The following FOXO3 variants were observed in gnomAD, a reference collection of about 807,000 sequenced individuals.
FOXO3 encodes the protein forkhead box O3.
In FOXO3, 4 loss-of-function variants were observed where a neutral mutation model predicts 41.9. The ratio of observed to expected loss-of-function variants is 0.10; its 90% CI spans 0.05 to 0.22. FOXO3 has a LOEUF of 0.22. Ranked by LOEUF, FOXO3 falls within the 10% of genes least tolerant of loss-of-function variation. The probability of loss-of-function intolerance (pLI) is 1.00; values close to 1 mark genes in which losing one functional copy is unlikely to be tolerated. For synonymous variants in FOXO3, 318 were observed against 389.3 expected (o/e 0.82, Z 2.16); for missense variants, 534 against 906.8 (o/e 0.59, Z 5.28).
chr6:108,681,611 C>T lies in FOXO3; in HGVS notation c.*1819C>T, dbSNP rs1269984537. 1 of 151,134 alleles carries T rather than the reference C, an allele frequency of 6.6e-6. No individual in the cohort carries two copies. The highest frequency in any genetic ancestry group is 1.9e-4 in the East Asian group (1 of 5,156). The allele number at this position is 151,134 out of a possible 1,614,324, so 9.4% of individuals were successfully genotyped here. A position where few individuals can be genotyped will look rare whatever the true frequency, so the allele number is the denominator to read the frequency against. On this transcript the variant is annotated 3_prime_UTR_variant, in exon 3 of 3. Coordinates refer to ENST00000406360, the MANE Select transcript of FOXO3 (RefSeq NM_001455.4). ...CACGTCTCCTGCCTCGCTTGGGTTGCCATGTTTGAGCGATGGCCCTGTTGA... is the reference window on the plus strand; with the variant it reads ...CACGTCTCCTGCCTCGCTTGGGTTGTCATGTTTGAGCGATGGCCCTGTTGA...
intron 1 of FOXO3, among the ~76,000 whole-genome samples, chr6:108,586,094 A>T (rs540759890): frequency 6.6e-6 from 1 of 152,322 alleles, no homozygotes; most frequent in African/African-American, 2.4e-5. Context: ...TTCCCCAAAG[A>T]TGTTAATTCC....
intron 1 of FOXO3, among the ~76,000 whole-genome samples, chr6:108,627,868 C>G (rs1777856878): frequency 6.6e-6 from 1 of 152,096 alleles, no homozygotes; most frequent in Admixed American, 6.6e-5. Context: ...GTGACTTCTT[C>G]CATTGGTTTG....
intron 1 of FOXO3, chr6:108,617,866 A>C: frequency 3.1e-6 from 1 of 320,686 alleles, no homozygotes; most frequent in Admixed American, 4.3e-5. Context: ...ATGGAGAAGG[A>C]GGAAATGAAC....
At chr6:108,608,792 AAT>A (rs1777277621) in intron 1 of FOXO3, among the ~76,000 whole-genome samples, 1 of 152,192 alleles carries the variant, frequency 6.6e-6, no homozygotes, top group Non-Finnish European at 1.5e-5. Context: ...AGTTTGAAGA[AAT>A]ATCCTATTCT....
intron 1 of FOXO3, among the ~76,000 whole-genome samples, chr6:108,588,670 T>C (rs1460301719): frequency 2.0e-5 from 3 of 152,208 alleles, no homozygotes; most frequent in Non-Finnish European, 4.4e-5. Context: ...GTTTTTGTGG[T>C]GAGTCAAGCT....
intron 1 of FOXO3, among the ~76,000 whole-genome samples, chr6:108,580,054 T>G (rs1272013090): frequency 6.6e-6 from 1 of 152,144 alleles, no homozygotes; most frequent in East Asian, 1.9e-4. Flanking sequence ...TGAATGGGTG[T>G]GATGTATACA....
Position 108,562,496 on chromosome 6 carries a change from A to T in FOXO3, c.621+667A>T, listed in dbSNP as rs557148203. On this transcript the variant is annotated intron_variant, in intron 1 of 2. Transcript: ENST00000406360. ...ACCTGCTTCTGACTAGCTGCTTCTG[A>T]AATGTTCTGGGGCCTCGAACCGGCC... Among the ~76,000 whole-genome samples the T allele has an allele frequency of 8.3e-3, 1,265 of 152,112 alleles. 11 individuals carry two copies. Among genetic ancestry groups the T allele is most frequent in the Non-Finnish European group, 0.014 (933 of 67,982 alleles).
rs1408813866 is a variant in FOXO3, at chr6:108,683,028, C to G, written c.*3236C>G. The G allele has an allele frequency of 6.6e-6, 1 of 152,658 alleles. No individual in the cohort carries two copies. Among genetic ancestry groups the G allele is most frequent in the Admixed American group, 6.5e-5 (1 of 15,284 alleles). The allele number at this position is 152,658 out of a possible 1,614,324, so 9.5% of individuals were successfully genotyped here. A position where few individuals can be genotyped will look rare whatever the true frequency, so the allele number is the denominator to read the frequency against. On this transcript the variant is annotated 3_prime_UTR_variant, in exon 3 of 3. Coordinates refer to ENST00000406360, the MANE Select transcript of FOXO3 (RefSeq NM_001455.4). ...CTGTCCTGGCATGAGAACTGGCTGC[C>G]AGGCTCAGTGTACCCCATTAACTGT... is the stretch of plus-strand genomic sequence containing the variant.
At chr6:108,674,485 T>G (rs1256524630) in intron 2 of FOXO3, among the ~76,000 whole-genome samples, 1 of 152,214 alleles carries the variant, frequency 6.6e-6, no homozygotes, top group African/African-American at 2.4e-5. Context: ...TTGAAGACTT[T>G]GCTTAGCTTT....
At chr6:108,590,746 A>T (rs1453259553) in intron 1 of FOXO3, among the ~76,000 whole-genome samples, 3 of 152,258 alleles carry the variant, frequency 2.0e-5, no homozygotes, top group Non-Finnish European at 4.4e-5. Context: ...TTAGGAATGA[A>T]GAATTGAGAC....
At chr6:108,610,155 G>T (rs1320043387) in intron 1 of FOXO3, among the ~76,000 whole-genome samples, 1 of 152,058 alleles carries the variant, frequency 6.6e-6, no homozygotes. Context: ...ATAGGACAAG[G>T]GTTGAATGGA....
chr6:108,560,903 C>T (rs1380560229), upstream of FOXO3: 7 of 1,176,208 alleles, frequency 6.0e-6, no homozygotes, highest in African/African-American at 8.1e-5. Context: ...TCCATCGCGG[C>T]CTGGCCGGGG....
At chr6:108,584,211 T>C (rs1235979231) in intron 1 of FOXO3, among the ~76,000 whole-genome samples, 1 of 152,124 alleles carries the variant, frequency 6.6e-6, no homozygotes, top group East Asian at 1.9e-4. Flanking sequence ...AAACAGAAAG[T>C]TGTTTTTCTT....
chr6:108,592,747 C>T (rs1049438788), intron 1 of FOXO3, among the ~76,000 whole-genome samples: 103 of 152,228 alleles, frequency 6.8e-4, no homozygotes, highest in African/African-American at 2.3e-3. Flanking sequence ...ATGAATTTTG[C>T]TTCTGGCATT....
Position 108,561,129 on chromosome 6 carries a change from A to G in FOXO3, c.-80A>G, listed in dbSNP as rs1775769702. On this transcript the variant is annotated 5_prime_UTR_variant, in exon 1 of 3. Coordinates refer to ENST00000406360, the MANE Select transcript of FOXO3 (RefSeq NM_001455.4). ...GGGAGCCGGAGCCTTCGCGGCGTCCACGTCCCTCCCCCGCTGCACCCCGCC... is the reference window on the plus strand; with the variant it reads ...GGGAGCCGGAGCCTTCGCGGCGTCCGCGTCCCTCCCCCGCTGCACCCCGCC... 1 of 1,458,524 alleles carries G rather than the reference A, an allele frequency of 6.9e-7. No homozygotes were observed. The highest frequency in any genetic ancestry group is 2.5e-5 in the Admixed American group (1 of 39,346). 90.3% of individuals were successfully genotyped at this position (1,458,524 alleles called of 1,614,324 possible). A position where few individuals can be genotyped will look rare whatever the true frequency, so the allele number is the denominator to read the frequency against.
At chr6:108,586,989 T>A (rs868114733) in intron 1 of FOXO3, among the ~76,000 whole-genome samples, 1 of 136,844 alleles carries the variant, frequency 7.3e-6, no homozygotes, top group South Asian at 2.3e-4. Context: ...TATTATTATT[T>A]TAGTAGAGAT....
At chr6:108,662,265 T>A (rs1000352184) in intron 1 of FOXO3, among the ~76,000 whole-genome samples, 2 of 152,214 alleles carry the variant, frequency 1.3e-5, no homozygotes, top group African/African-American at 4.8e-5. Context: ...GGTGCCATTC[T>A]CATCATGTCA....
At chr6:108,619,615 T>A (rs1777610697) in intron 1 of FOXO3, among the ~76,000 whole-genome samples, 1 of 152,254 alleles carries the variant, frequency 6.6e-6, no homozygotes, top group African/African-American at 2.4e-5. Context: ...GCCATCTGTT[T>A]ATTTGCGTCT....
At chr6:108,619,917 TG>T (rs1003062220) in intron 1 of FOXO3, among the ~76,000 whole-genome samples, 7 of 152,238 alleles carry the variant, frequency 4.6e-5, no homozygotes, top group African/African-American at 1.4e-4. Flanking sequence ...ATCAGTCTTC[TG>T]TACATGGCAA....
Sources: allele counts gnomAD v4.1 joint callset (sites outside exome capture counted in the v4.1 genomes callset), GRCh38; gene constraint gnomAD v4.1.1; transcripts MANE v1.5; gene names NCBI Gene and HGNC (gene_info 2026-07-23, HGNC 2026-07-21).